ZNF316: variants seen among roughly 807,000 people sequenced by gnomAD.
ZNF316 encodes zinc finger protein 316.
In ZNF316, 23 loss-of-function variants were observed where a neutral mutation model predicts 75.6. The observed-to-expected ratio is 0.30, with a 90% CI of 0.22 to 0.43. ZNF316 has a LOEUF of 0.43. Ranked by LOEUF, ZNF316 falls within the 20% of genes least tolerant of loss-of-function variation. ZNF316 has a pLI of 1.00. For synonymous variants in ZNF316, 827 were observed against 666.2 expected (o/e 1.24, Z -3.72); for missense variants, 1,266 against 1,409.4 (o/e 0.90, Z 1.63).
chr7:6,657,848 AAAAAAAAAAG>A lies in ZNF316; in HGVS notation c.*3238_*3247del, dbSNP rs1779654016. ...TATCTCACCAAAAAAAAAAAAAAAA[AAAAAAAAAAG>A]GTTCCCCGATAGAACTTATAGTTGA... On this transcript the variant is annotated 3_prime_UTR_variant, in exon 9 of 9. Transcript: ENST00000382252. Among the ~76,000 whole-genome samples, 1 of 150,892 alleles carries A rather than the reference AAAAAAAAAAG, an allele frequency of 6.6e-6. No individual in the cohort carries two copies. Among genetic ancestry groups the A allele is most frequent in the Admixed American group, 6.6e-5 (1 of 15,120 alleles).
intron 8 of ZNF316, 26 bp downstream of exon 8, chr7:6,644,619 T>A: frequency 1.7e-6 from 2 of 1,196,756 alleles, no homozygotes; most frequent in Non-Finnish European, 2.1e-6. Context: ...ATTTTGCGGT[T>A]TGTGCCGATA....
chr7:6,649,770 C>T (rs1779474550), intron 8 of ZNF316, among the ~76,000 whole-genome samples: 2 of 152,156 alleles, frequency 1.3e-5, no homozygotes, highest in African/African-American at 4.8e-5. Context: ...GGAGTGTGGC[C>T]CACCCTTGTC....
intron 8 of ZNF316, among the ~76,000 whole-genome samples, chr7:6,645,733 T>C (rs1379911380): frequency 6.6e-6 from 1 of 151,348 alleles, no homozygotes; most frequent in Admixed American, 6.6e-5. Context: ...CGGTGTCTCA[T>C]GCCTGTAATC....
At chr7:6,645,561 G>C (rs554039845) in intron 8 of ZNF316, among the ~76,000 whole-genome samples, 2 of 151,882 alleles carry the variant, frequency 1.3e-5, no homozygotes, top group Non-Finnish European at 2.9e-5. Flanking sequence ...GCGTGTGCCT[G>C]TAGTCCCAGC....
In ZNF316 at chr7:6,637,599, C is replaced by T. The variant is rs1779237676; in HGVS notation, c.-431+152C>T. ...CGCGGGGAGGCGGCGGGGCCGGGGCCTGCAGAGTCGGAGCGGAACGCGGGT... is the reference window on the plus strand; with the variant it reads ...CGCGGGGAGGCGGCGGGGCCGGGGCTTGCAGAGTCGGAGCGGAACGCGGGT... On this transcript the variant is annotated intron_variant, in intron 1 of 8. Coordinates refer to ENST00000382252, the MANE Select transcript of ZNF316 (RefSeq NM_001278559.2). The surrounding 1 kb of genome is among the most constrained non-coding windows in gnomAD (Gnocchi z 6.2). 1.3e-5 allele frequency among the ~76,000 whole-genome samples: 2 copies of T among 149,058 alleles called. No homozygotes were observed. The highest frequency in any genetic ancestry group is 2.1e-4 in the South Asian group (1 of 4,830).
intron 8 of ZNF316, among the ~76,000 whole-genome samples, chr7:6,645,338 C>T (rs555492009): frequency 3.3e-5 from 5 of 152,084 alleles, no homozygotes; most frequent in East Asian, 1.9e-4. Flanking sequence ...TAGGTGATGC[C>T]GGTTAGGAGG....
rs949825000 is a variant in ZNF316, at chr7:6,643,043, C to T, written c.435C>T (p.Asp145=). ...AGGAAGAGGAGGAGGAGGATGAGGA[C>T]GAGGATGATTTGCTGACGGCTGGGT... ...EEEEEEEEDE[D]EDDLLTAGCQ... Residue 145 remains aspartate, a synonymous_variant, in exon 6 of 9, where the codon GAC becomes GAT. Coordinates refer to ENST00000382252, the MANE Select transcript of ZNF316 (RefSeq NM_001278559.2). 15 of 1,238,976 alleles carry T rather than the reference C, an allele frequency of 1.2e-5. No individual in the cohort carries two copies. The East Asian group carries it at 1.9e-4, about 15-fold the overall frequency. 76.7% of individuals were successfully genotyped at this position (1,238,976 alleles called of 1,614,324 possible). A position where few individuals can be genotyped will look rare whatever the true frequency, so the allele number is the denominator to read the frequency against.
rs1198204884 is a variant in ZNF316, at chr7:6,656,864, A to G, written c.*2253A>G. On this transcript the variant is annotated 3_prime_UTR_variant, in exon 9 of 9. Coordinates refer to ENST00000382252, the MANE Select transcript of ZNF316 (RefSeq NM_001278559.2). ...GCAAGGTGTACAGCCCCAGGACCCA[A>G]AATGCCTCCCTTAAAGCTGATTGGT... 3.3e-5 allele frequency among the ~76,000 whole-genome samples: 5 copies of G among 152,060 alleles called. No homozygotes were observed. Among genetic ancestry groups the G allele is most frequent in the African/African-American group, 9.7e-5 (4 of 41,370 alleles).
intron 8 of ZNF316, among the ~76,000 whole-genome samples, chr7:6,646,712 C>G (rs950319314): frequency 3.9e-5 from 6 of 152,130 alleles, no homozygotes; most frequent in Non-Finnish European, 8.8e-5. Flanking sequence ...CCCGCCTCCC[C>G]CAGTGCTCCC....
chr7:6,644,041 G>A (rs905407576), intron 7 of ZNF316, 93 bp downstream of exon 7: 2 of 1,205,094 alleles, frequency 1.7e-6, no homozygotes, highest in Non-Finnish European at 2.1e-6. Context: ...AAATCCCAGG[G>A]TCTTTCCAAA....
intron 3 of ZNF316, among the ~76,000 whole-genome samples, chr7:6,641,203 G>C (rs546572150): frequency 6.6e-6 from 1 of 152,224 alleles, no homozygotes. Flanking sequence ...TCCACTGCTC[G>C]AGCTGGATGA....
At chr7:6,643,396 A>C (rs979787272) in intron 6 of ZNF316, among the ~76,000 whole-genome samples, 3 of 152,226 alleles carry the variant, frequency 2.0e-5, no homozygotes, top group Non-Finnish European at 2.9e-5. Context: ...TGCCTGTCAC[A>C]TGTCCAGGGT....
Position 6,652,327 on chromosome 7 carries a change from T to C in ZNF316, c.731T>C (p.Ile244Thr). Residue 244 changes from isoleucine (I) to threonine (T), a missense_variant, in exon 9 of 9, where the codon ATA becomes ACA. Physicochemically the swap from Ile to Thr is moderately conservative, Grantham distance 89. Coordinates refer to ENST00000382252, the MANE Select transcript of ZNF316 (RefSeq NM_001278559.2). The stretch of plus-strand genomic sequence containing the variant: ...GGAGCCTGGTTCTGGACGGACGACA[T>C]AGAGGACCACGAGGAGGAAGACGAC... Reference protein sequence around the residue: ...YTGAWFWTDDIEDHEEEDDED... With the variant: ...YTGAWFWTDDTEDHEEEDDED... 8.1e-7 allele frequency: 1 copy of C among 1,232,284 alleles called. No homozygotes were observed. Among genetic ancestry groups the C allele is most frequent in the Non-Finnish European group, 1.0e-6 (1 of 988,074 alleles). 76.3% of individuals were successfully genotyped at this position (1,232,284 alleles called of 1,614,324 possible).
At chr7:6,638,692 T>C (rs1779261775) in intron 2 of ZNF316, among the ~76,000 whole-genome samples, 1 of 152,068 alleles carries the variant, frequency 6.6e-6, no homozygotes, top group African/African-American at 2.4e-5. Context: ...CCCAGCACTT[T>C]GTGAGGTCGA....
At position 6,656,529 on chromosome 7, in the gene ZNF316, A is replaced by G. The variant is rs1037712595; in HGVS notation, c.*1918A>G. The G allele has an allele frequency of 1.3e-5, 2 of 152,206 alleles. No individual in the cohort carries two copies. Among genetic ancestry groups the G allele is most frequent in the African/African-American group, 4.8e-5 (2 of 41,444 alleles). 9.4% of individuals were successfully genotyped at this position (152,206 alleles called of 1,614,324 possible). ...AACTTGTTTCTGCAAACATTTTTTA[A>G]AAGATTTTCTCTTTTAAGAAATTAG... is the stretch of plus-strand genomic sequence containing the variant. On this transcript the variant is annotated 3_prime_UTR_variant, in exon 9 of 9. Coordinates refer to ENST00000382252, the MANE Select transcript of ZNF316 (RefSeq NM_001278559.2).
At chr7:6,644,994 T>TC (rs368578065) in intron 8 of ZNF316, among the ~76,000 whole-genome samples, 3 of 151,998 alleles carry the variant, frequency 2.0e-5, no homozygotes, top group Non-Finnish European at 4.4e-5. Context: ...GGGAAAAGGC[T>TC]CCCCCCAGCT....
Position 6,640,820 on chromosome 7 carries a change from A to C in ZNF316, c.-166-1005A>C, listed in dbSNP as rs1005669824. ...GATAAGGGAGTTCTCAGTTCACAAGAGATCTGGTTGTTTTAAAAGAGTGGG... is the reference window on the plus strand; with the variant it reads ...GATAAGGGAGTTCTCAGTTCACAAGCGATCTGGTTGTTTTAAAAGAGTGGG... On this transcript the variant is annotated intron_variant, in intron 3 of 8. Transcript: ENST00000382252. The surrounding 1 kb of genome is among the most constrained non-coding windows in gnomAD (Gnocchi z 5.1). Among the ~76,000 whole-genome samples, 3 of 152,106 alleles carry C rather than the reference A, an allele frequency of 2.0e-5. No homozygotes were observed. Among genetic ancestry groups the C allele is most frequent in the Non-Finnish European group, 2.9e-5 (2 of 68,024 alleles).
In ZNF316 at chr7:6,655,960, A is replaced by T. The variant is rs1779618118; in HGVS notation, c.*1349A>T. 1 of 152,296 alleles carries T rather than the reference A, an allele frequency of 6.6e-6. No homozygotes were observed. Among genetic ancestry groups the T allele is most frequent in the Admixed American group, 6.5e-5 (1 of 15,290 alleles). 9.4% of individuals were successfully genotyped at this position (152,296 alleles called of 1,614,324 possible). On this transcript the variant is annotated 3_prime_UTR_variant, in exon 9 of 9. Transcript: ENST00000382252. ...CCCTCACGCTTTTGGGGCCACTGTG[A>T]ATGGGGCCAGGAAACGGATTTTTGG... is the stretch of plus-strand genomic sequence containing the variant.
In ZNF316 at chr7:6,637,562, GCGCGGGGAGGC is replaced by G. The variant is rs917722656; in HGVS notation, c.-431+127_-431+137del. 2.7e-5 allele frequency: 4 copies of G among 147,732 alleles called. No individual in the cohort carries two copies. The South Asian group carries it at 7.2e-4, about 27-fold the overall frequency. 9.2% of individuals were successfully genotyped at this position (147,732 alleles called of 1,614,324 possible). On this transcript the variant is annotated intron_variant, in intron 1 of 8. Transcript: ENST00000382252. The surrounding 1 kb of genome is among the most constrained non-coding windows in gnomAD (Gnocchi z 6.2). ...GGGCCGGGCTGGCCCTCGACGCCCG[GCGCGGGGAGGC>G]CGCGGGGAGGCGGCGGGGCCGGGGC...
Sources: gnomAD v4.1 joint callset for allele counts (sites outside exome capture counted in the v4.1 genomes callset) on GRCh38, gnomAD v4.1.1 for gene constraint, Gnocchi (gnomAD v3.1) non-coding constraint, MANE v1.5 for transcripts, NCBI Gene and HGNC (gene_info 2026-07-23, HGNC 2026-07-21) for gene names.